Variants in MTFP1 observed in about 807,000 individuals in gnomAD.
MTFP1 encodes mitochondrial fission process protein 1.
MTFP1 carries 19 observed loss-of-function variants against 17.1 expected under a neutral mutation model. That is an observed-to-expected ratio of 1.11 (90% CI 0.77 to 1.63). The LOEUF (loss-of-function observed/expected upper bound fraction) is 1.63. Ranked by LOEUF, MTFP1 falls within the 40% of genes most tolerant of loss-of-function variation. The probability of loss-of-function intolerance (pLI) is 0.00; values close to 1 mark genes in which losing one functional copy is unlikely to be tolerated. For synonymous variants in MTFP1, 89 were observed against 95.2 expected (o/e 0.93, Z 0.38); for missense variants, 221 against 226.2 (o/e 0.98, Z 0.15).
chr22:30,426,892 T>A, intron 2 of MTFP1, 48 bp downstream of exon 2: 1 of 1,600,288 alleles, frequency 6.2e-7, no homozygotes. Flanking sequence ...TCTCTTCTTG[T>A]GTGGTTCAGT....
intron 2 of MTFP1, 54 bp from the exon 3 acceptor site, chr22:30,427,117 C>T (rs141569331): frequency 0.016 from 26,051 of 1,584,874 alleles, 388 homozygotes; most frequent in Middle Eastern, 0.046. Context: ...TGCCCCTTGT[C>T]GCAGGATTTT....
At chr22:30,427,448 G>A (rs1318602567) in intron 3 of MTFP1, 45 bp downstream of exon 3, 5 of 1,564,274 alleles carry the variant, frequency 3.2e-6, no homozygotes, top group Non-Finnish European at 4.4e-6. Flanking sequence ...CTCCAGTGAT[G>A]AGAGTGGATC....
chr22:30,426,895 G>T (rs377725950), intron 2 of MTFP1, 51 bp downstream of exon 2: 8 of 1,599,274 alleles, frequency 5.0e-6, no homozygotes, highest in African/African-American at 2.7e-5. Context: ...CTTCTTGTGT[G>T]GTTCAGTCCA....
chr22:30,428,554 C>T lies in MTFP1; in HGVS notation c.*20C>T, dbSNP rs754197639. The stretch of plus-strand genomic sequence containing the variant: ...TCCTGATCATACTCTGGTACCTGGC[C>T]TGTGCATCGGCCTCCTGCTTCATGT... On this transcript the variant is annotated 3_prime_UTR_variant, in exon 4 of 4. Coordinates refer to ENST00000266263, the MANE Select transcript of MTFP1 (RefSeq NM_016498.5). The T allele has an allele frequency of 2.5e-6, 4 of 1,614,184 alleles. No individual in the cohort carries two copies. Among genetic ancestry groups the T allele is most frequent in the African/African-American group, 1.3e-5 (1 of 75,044 alleles).
chr22:30,427,321 C>T lies in MTFP1; in HGVS notation c.346C>T (p.Arg116Cys), dbSNP rs1569217022. 3.1e-6 allele frequency: 5 copies of T among 1,614,118 alleles called. No homozygotes were observed. Among genetic ancestry groups the T allele is most frequent in the African/African-American group, 1.3e-5 (1 of 75,052 alleles). Residue 116 changes from arginine to cysteine, a missense_variant, in exon 3 of 4, where the codon CGC (arginine) becomes TGC (cysteine). Coordinates refer to ENST00000266263, the MANE Select transcript of MTFP1 (RefSeq NM_016498.5). ...TCTCTATGTCCTGGGCACTGCCACC[C>T]GCTGGCCCCTGGCTGTCCGCAAGTG... ...ASLYVLGTAT[R>C]WPLAVRKWTT...
Position 30,428,572 on chromosome 22 carries a change from C to G in MTFP1, c.*38C>G. The G allele has an allele frequency of 6.2e-7, 1 of 1,614,206 alleles. No homozygotes were observed. Among genetic ancestry groups the G allele is most frequent in the Non-Finnish European group, 8.5e-7 (1 of 1,180,032 alleles). Reference sequence around the variant, plus strand: ...ACCTGGCCTGTGCATCGGCCTCCTGCTTCATGTCAACCTCCTACTCCTGCC... The same window carrying G: ...ACCTGGCCTGTGCATCGGCCTCCTGGTTCATGTCAACCTCCTACTCCTGCC... On this transcript the variant is annotated 3_prime_UTR_variant, in exon 4 of 4. Transcript: ENST00000266263.
rs747853229 is a variant in MTFP1, at chr22:30,427,262, C to G, written c.287C>G (p.Pro96Arg). ...VWQALASVAI[P>R]GFTINRVCAA... Reference sequence around the variant, plus strand: ...CAGGCTCTAGCCTCTGTGGCCATTCCGGGCTTCACCATCAACCGCGTGTGT... The same window carrying G: ...CAGGCTCTAGCCTCTGTGGCCATTCGGGGCTTCACCATCAACCGCGTGTGT... Residue 96 changes from proline (P) to arginine (R), a missense_variant, in exon 3 of 4, where the codon CCG becomes CGG. Pro to Arg is a moderately radical substitution (Grantham distance 103). Coordinates refer to ENST00000266263, the MANE Select transcript of MTFP1 (RefSeq NM_016498.5). 1 of 1,613,896 alleles carries G rather than the reference C, an allele frequency of 6.2e-7. No individual in the cohort carries two copies. Among genetic ancestry groups the G allele is most frequent in the African/African-American group, 1.3e-5 (1 of 74,920 alleles).
chr22:30,426,691 T>G, intron 1 of MTFP1, 26 bp from the exon 2 acceptor site: 1 of 1,612,930 alleles, frequency 6.2e-7, no homozygotes, highest in Non-Finnish European at 8.5e-7. Context: ...GTTGCGAGCC[T>G]AGGAATTAAA....
chr22:30,428,888 G>A lies in MTFP1; in HGVS notation c.*354G>A. On this transcript the variant is annotated 3_prime_UTR_variant, in exon 4 of 4. Coordinates refer to ENST00000266263, the MANE Select transcript of MTFP1 (RefSeq NM_016498.5). ...TAGGCCCAAGATCACTTGGCAAGCTGGGCACCCAGGACCCCCAGGTGCTTG... is the reference window on the plus strand; with the variant it reads ...TAGGCCCAAGATCACTTGGCAAGCTAGGCACCCAGGACCCCCAGGTGCTTG... 1.8e-6 allele frequency: 1 copy of A among 567,326 alleles called. No individual in the cohort carries two copies. The highest frequency in any genetic ancestry group is 3.0e-5 in the East Asian group (1 of 32,882). The allele number at this position is 567,326 out of a possible 1,614,324, so 35.1% of individuals were successfully genotyped here.
At chr22:30,426,404 T>A (rs1164781940) in intron 1 of MTFP1, among the ~76,000 whole-genome samples, 1 of 152,222 alleles carries the variant, frequency 6.6e-6, no homozygotes, top group East Asian at 1.9e-4. Flanking sequence ...TCAGTGGCGC[T>A]GCCCTCGATC....
At position 30,425,918 on chromosome 22, in the gene MTFP1, C is replaced by A. The variant is rs1047024411; in HGVS notation, c.39C>A (p.Leu13=). The A allele has an allele frequency of 5.9e-6, 9 of 1,534,012 alleles. No individual in the cohort carries two copies. Among genetic ancestry groups the A allele is most frequent in the Non-Finnish European group, 7.9e-6 (9 of 1,140,686 alleles). The change falls in exon 1 of 4, where the codon CTC becomes CTA. Residue 13 remains leucine, a synonymous_variant. Transcript: ENST00000266263. ...AGCCGCGGGGCGCAGAGCGCGATCT[C>A]TACCGGGACACGTGGGTGCGATACC... ...EPQPRGAERD[L]YRDTWVRYLG...
chr22:30,427,282 G>C lies in MTFP1; in HGVS notation c.307G>C (p.Val103Leu), dbSNP rs764167246. The C allele has an allele frequency of 6.2e-7, 1 of 1,614,036 alleles. No individual in the cohort carries two copies. Among genetic ancestry groups the C allele is most frequent in the African/African-American group, 1.3e-5 (1 of 75,052 alleles). Residue 103 changes from valine to leucine, a missense_variant, in exon 3 of 4, where the codon GTG becomes CTG. Coordinates refer to ENST00000266263, the MANE Select transcript of MTFP1 (RefSeq NM_016498.5). ...VAIPGFTINRVCAASLYVLGT... is the reference protein window; with the variant it reads ...VAIPGFTINRLCAASLYVLGT... ...CATTCCGGGCTTCACCATCAACCGC[G>C]TGTGTGCTGCCTCTCTCTATGTCCT...
chr22:30,426,894 T>C (rs1174457641), intron 2 of MTFP1, 50 bp downstream of exon 2: 1 of 1,599,870 alleles, frequency 6.3e-7, no homozygotes, highest in East Asian at 2.2e-5. Context: ...TCTTCTTGTG[T>C]GGTTCAGTCC....
chr22:30,427,046 G>A, intron 2 of MTFP1, 125 bp from the exon 3 acceptor site: 1 of 1,354,220 alleles, frequency 7.4e-7, no homozygotes, highest in Non-Finnish European at 1.1e-6. Context: ...GTGGCAGACT[G>A]TACCCCACTC....
At position 30,427,249 on chromosome 22, in the gene MTFP1, T is replaced by A. The variant is rs768125906; in HGVS notation, c.274T>A (p.Ser92Thr). 1.9e-6 allele frequency: 3 copies of A among 1,613,952 alleles called. No homozygotes were observed. Among genetic ancestry groups the A allele is most frequent in the Non-Finnish European group, 2.5e-6 (3 of 1,180,046 alleles). Residue 92 changes from serine (S) to threonine (T), a missense_variant, in exon 3 of 4, where the codon TCT becomes ACT. Coordinates refer to ENST00000266263, the MANE Select transcript of MTFP1 (RefSeq NM_016498.5). Reference protein sequence around the residue: ...VDTFVWQALASVAIPGFTINR... With the variant: ...VDTFVWQALATVAIPGFTINR... ...CACCTTTGTATGGCAGGCTCTAGCC[T>A]CTGTGGCCATTCCGGGCTTCACCAT...
At chr22:30,427,625 G>A (rs568862279) in intron 3 of MTFP1, among the ~76,000 whole-genome samples, 44 of 152,308 alleles carry the variant, frequency 2.9e-4, no homozygotes, top group Non-Finnish European at 4.9e-4. Flanking sequence ...AGAGGGGTGC[G>A]TTGAGGGTAT....
Position 30,426,812 on chromosome 22 carries a change from G to A in MTFP1, c.163G>A (p.Asp55Asn). Residue 55 changes from aspartate (D) to asparagine (N), a missense_variant, in exon 2 of 4, where the codon GAT becomes AAT. Coordinates refer to ENST00000266263, the MANE Select transcript of MTFP1 (RefSeq NM_016498.5). ...CGTGGCCAGCTCCTACGTGCTGGCG[G>A]ATGCCATTGACAAAGGCAAGAAGGC... ...YGVASSYVLADAIDKGKKAGE... is the reference protein window; with the variant it reads ...YGVASSYVLANAIDKGKKAGE... 1.9e-6 allele frequency: 3 copies of A among 1,613,096 alleles called. No homozygotes were observed. Among genetic ancestry groups the A allele is most frequent in the Non-Finnish European group, 2.5e-6 (3 of 1,180,004 alleles).
intron 2 of MTFP1, 43 bp from the exon 3 acceptor site, chr22:30,427,128 C>T: frequency 6.2e-7 from 1 of 1,603,258 alleles, no homozygotes; most frequent in Non-Finnish European, 8.5e-7. Flanking sequence ...GCAGGATTTT[C>T]TGCCTCTGCC....
At position 30,427,068 on chromosome 22, in the gene MTFP1, C is replaced by T. The variant is rs138525458; in HGVS notation, c.196-103C>T. 9.9e-6 allele frequency: 14 copies of T among 1,419,972 alleles called. 1 individual carries two copies. In the Middle Eastern group the frequency reaches 5.8e-4, roughly 59 times the overall value. The allele number at this position is 1,419,972 out of a possible 1,614,324, so 88.0% of individuals were successfully genotyped here. A position where few individuals can be genotyped will look rare whatever the true frequency, so the allele number is the denominator to read the frequency against. On this transcript the variant is annotated intron_variant, in intron 2 of 3. Coordinates refer to ENST00000266263, the MANE Select transcript of MTFP1 (RefSeq NM_016498.5). ...ACTGTACCCCACTCCTGGGTGCGGA[C>T]AAGTCCACTGGCCACTTGCCCCTCC...
Sources: gnomAD v4.1 joint callset for allele counts (sites outside exome capture counted in the v4.1 genomes callset) on GRCh38, gnomAD v4.1.1 for gene constraint, MANE v1.5 for transcripts, NCBI Gene and HGNC (gene_info 2026-07-23, HGNC 2026-07-21) for gene names.